PCDH15: variants seen among roughly 807,000 people sequenced by gnomAD.
PCDH15 encodes the protein protocadherin-15.
In PCDH15, 129 loss-of-function variants were observed where a neutral mutation model predicts 178.5. The ratio of observed to expected loss-of-function variants is 0.72; its 90% CI spans 0.63 to 0.84. PCDH15 has a LOEUF of 0.84. PCDH15 is among the 40% of genes least tolerant of loss of function. The pLI, the probability that PCDH15 is intolerant of heterozygous loss-of-function variation, is 0.00. For synonymous variants in PCDH15, 800 were observed against 732.0 expected, an observed-to-expected ratio of 1.09 and a Z score of -1.50; for missense variants, 2,230 against 2,099.9, an observed-to-expected ratio of 1.06 and a Z score of -1.21.
intron 1 of PCDH15, among the ~76,000 whole-genome samples, chr10:55,309,797 C>T (rs1302572963): frequency 6.6e-6 from 1 of 152,188 alleles, no homozygotes; most frequent in Non-Finnish European, 1.5e-5. Context: ...TTACATTCCA[C>T]CATGTCCCAC....
chr10:55,092,384 C>T (rs966510327), intron 2 of PCDH15, among the ~76,000 whole-genome samples: 2 of 151,814 alleles, frequency 1.3e-5, no homozygotes, highest in African/African-American at 4.8e-5. Context: ...TGAGACTTCA[C>T]TTATCTTTCA....
At chr10:54,577,842 CTAAATAAATGAA>C (rs57540648) in intron 2 of PCDH15, among the ~76,000 whole-genome samples, 75,979 of 144,526 alleles carry the variant, frequency 0.53, 20,025 homozygotes, top group Middle Eastern at 0.65. Flanking sequence ...CTGTTTAAGC[CTAAATAAATGAA>C]TAAATAAATA....
chr10:54,153,372 A>C (rs1265439620), intron 13 of PCDH15, 79 bp from the exon 14 acceptor site: 1 of 1,497,216 alleles, frequency 6.7e-7, no homozygotes, highest in African/African-American at 1.4e-5. Context: ...CCAACAAAAG[A>C]AGCTTGCTTT....
At chr10:54,736,098 C>A (rs767117682) in intron 1 of PCDH15, among the ~76,000 whole-genome samples, 1 of 151,958 alleles carries the variant, frequency 6.6e-6, no homozygotes, top group African/African-American at 2.4e-5. Context: ...TAGAGTTATC[C>A]CTCTTGAGCA....
intron 25 of PCDH15, among the ~76,000 whole-genome samples, chr10:53,922,667 C>T (rs1448693113): frequency 2.0e-5 from 3 of 152,170 alleles, no homozygotes; most frequent in African/African-American, 4.8e-5. Context: ...TTCTCCTTTA[C>T]TGTTTGTCCT....
chr10:54,467,242 G>A (rs1405878291), intron 3 of PCDH15, among the ~76,000 whole-genome samples: 4 of 151,780 alleles, frequency 2.6e-5, no homozygotes, highest in Non-Finnish European at 5.9e-5. Flanking sequence ...CCAGTTCTTA[G>A]AGGAATGGCT....
chr10:55,098,895 T>TGAGAGAGAGAGAGAGAGAGAGA (rs10535301), intron 2 of PCDH15, among the ~76,000 whole-genome samples: 1,794 of 120,096 alleles, frequency 0.015, 63 homozygotes, highest in Non-Finnish European at 0.019. Flanking sequence ...AAAACTTCAA[T>TGAGAGAGAGAGAGAGAGAGAGA]GAGAGAGAGA....
At chr10:54,732,689 A>C (rs1253794766) in intron 1 of PCDH15, among the ~76,000 whole-genome samples, 1 of 151,596 alleles carries the variant, frequency 6.6e-6, no homozygotes. Context: ...CTGATTTTAC[A>C]AGGGAGCATT....
chr10:54,365,360 C>G (rs1008126223), intron 5 of PCDH15, among the ~76,000 whole-genome samples: 1 of 152,024 alleles, frequency 6.6e-6, no homozygotes, highest in Non-Finnish European at 1.5e-5. Context: ...ATAAACAATA[C>G]ATTTTAATTT....
chr10:54,113,547 G>C (rs144253690), intron 15 of PCDH15, among the ~76,000 whole-genome samples: 117 of 152,144 alleles, frequency 7.7e-4, no homozygotes, highest in Non-Finnish European at 1.5e-3. Context: ...TTCTCAAAGG[G>C]AGAGTCCCAG....
At chr10:55,129,189 A>T (rs4406736) in intron 2 of PCDH15, among the ~76,000 whole-genome samples, 39,854 of 152,112 alleles carry the variant, frequency 0.26, 5,843 homozygotes, top group Admixed American at 0.38. Flanking sequence ...GCTATACAAA[A>T]GTCATTGAAA....
intron 15 of PCDH15, among the ~76,000 whole-genome samples, chr10:54,111,364 T>C (rs1341390417): frequency 6.6e-6 from 1 of 152,218 alleles, no homozygotes; most frequent in Non-Finnish European, 1.5e-5. Context: ...TTAGTCTTTT[T>C]TCATTTAACT....
intron 2 of PCDH15, among the ~76,000 whole-genome samples, chr10:55,410,275 A>T (rs1013838723): frequency 1.3e-5 from 2 of 152,102 alleles, no homozygotes; most frequent in Non-Finnish European, 2.9e-5. Flanking sequence ...TGGCTTTCCT[A>T]GGACTGAGAA....
At chr10:54,577,852 G>GAATAAATA (rs1228767675) in intron 2 of PCDH15, among the ~76,000 whole-genome samples, 3 of 11,472 alleles carry the variant, frequency 2.6e-4, no homozygotes, top group Non-Finnish European at 2.5e-3. Context: ...CTAAATAAAT[G>GAATAAATA]AATAAATAAA....
chr10:54,814,632 G>A (rs1036304684), intron 3 of PCDH15, among the ~76,000 whole-genome samples: 3 of 152,106 alleles, frequency 2.0e-5, no homozygotes, highest in Non-Finnish European at 4.4e-5. Context: ...TCAGAATAAG[G>A]TCTTTCTGTT....
intron 8 of PCDH15, among the ~76,000 whole-genome samples, chr10:54,301,685 A>C (rs1229765619): frequency 6.6e-6 from 1 of 152,152 alleles, no homozygotes; most frequent in East Asian, 1.9e-4. Context: ...CAGGTGATGA[A>C]TTTGTGTGAA....
rs567757534 is a variant in PCDH15 at position 53,905,588 on chromosome 10, C to T, written c.3374-2218G>A. Among the ~76,000 whole-genome samples, 12 of 152,214 alleles carry T rather than the reference C, an allele frequency of 7.9e-5. No individual in the cohort carries two copies. The South Asian group carries it at 1.9e-3, about 24-fold the overall frequency. On this transcript the variant is annotated intron_variant, in intron 25 of 37. Transcript: ENST00000644397. Reference sequence around the variant, plus strand: ...CTGACCTCAGGTGATTCACCCACCTCGGCCTCCCAAAGTTCTGGGATTACA... The same window carrying T: ...CTGACCTCAGGTGATTCACCCACCTTGGCCTCCCAAAGTTCTGGGATTACA...
At chr10:55,225,120 G>A (rs773201737) in intron 1 of PCDH15, among the ~76,000 whole-genome samples, 1 of 142,256 alleles carries the variant, frequency 7.0e-6, no homozygotes, top group Non-Finnish European at 1.5e-5. Flanking sequence ...TTTTTTTTTT[G>A]GTTATCTTCA....
intron 1 of PCDH15, among the ~76,000 whole-genome samples, chr10:54,690,607 C>T (rs1482507057): frequency 1.3e-5 from 2 of 152,094 alleles, no homozygotes; most frequent in Admixed American, 1.3e-4. Context: ...GCCACCATGG[C>T]CAGCCACAAG....
Sources: gnomAD v4.1 joint callset for allele counts (sites outside exome capture counted in the v4.1 genomes callset) on GRCh38, gnomAD v4.1.1 for gene constraint, MANE v1.5 for transcripts, NCBI Gene and HGNC (gene_info 2026-07-23, HGNC 2026-07-21) for gene names.